Variants in NCKAP5 observed in about 807,000 individuals in gnomAD.
The protein encoded by NCKAP5 is nck-associated protein 5.
Under a neutral mutation model 167.0 loss-of-function variants are expected in NCKAP5, and 92 were observed. The ratio of observed to expected loss-of-function variants is 0.55; its 90% CI spans 0.47 to 0.66. The LOEUF is 0.66. Ranked by LOEUF, NCKAP5 falls within the 30% of genes least tolerant of loss-of-function variation. The pLI is 0.00. For synonymous variants in NCKAP5, 891 were observed against 877.4 expected, an observed-to-expected ratio of 1.02 and a Z score of -0.27; for missense variants, 2,378 against 2,315.0, an observed-to-expected ratio of 1.03 and a Z score of -0.56.
Position 133,526,211 on chromosome 2 carries a change from G to A in NCKAP5, c.-61-8624C>T, listed in dbSNP as rs547906467. On this transcript the variant is annotated intron_variant, in intron 2 of 19. Coordinates refer to ENST00000409261, the MANE Select transcript of NCKAP5 (RefSeq NM_207363.3). ...AGGAAGGAAGGAAGGAAGGAAGGAA[G>A]GAAGGAAGGAAGGAAGAAAGGAAAG... Among the ~76,000 whole-genome samples the A allele has an allele frequency of 1.4e-3, 187 of 136,116 alleles. 3 individuals are homozygous for A. The highest frequency in any genetic ancestry group is 3.4e-3 in the South Asian group (14 of 4,178). The allele number at this position is 136,116 out of a possible 152,430, so 89.3% of individuals were successfully genotyped here.
intron 6 of NCKAP5, among the ~76,000 whole-genome samples, chr2:133,059,876 C>T (rs1364091289): frequency 6.6e-6 from 1 of 151,788 alleles, no homozygotes; most frequent in Non-Finnish European, 1.5e-5. Context: ...GCAATATCTC[C>T]AAGGTATGTC....
intron 11 of NCKAP5, among the ~76,000 whole-genome samples, chr2:132,805,438 AAAT>A (rs1444348339): frequency 6.6e-6 from 1 of 152,222 alleles, no homozygotes; most frequent in Non-Finnish European, 1.5e-5. Context: ...TAGAATTAAA[AAAT>A]AATTACCTCT....
chr2:133,355,673 C>T (rs1390429435), intron 3 of NCKAP5, among the ~76,000 whole-genome samples: 3 of 151,970 alleles, frequency 2.0e-5, no homozygotes, highest in African/African-American at 7.3e-5. Flanking sequence ...ACCCACATAC[C>T]TGGGAAAAAT....
At chr2:133,518,372 T>TG (rs1553433211) in intron 2 of NCKAP5, among the ~76,000 whole-genome samples, 14 of 129,214 alleles carry the variant, frequency 1.1e-4, no homozygotes, top group African/African-American at 3.0e-4. Flanking sequence ...TTTTTTTTTT[T>TG]GGGATGGAAT....
intron 16 of NCKAP5, among the ~76,000 whole-genome samples, chr2:132,737,048 CCAT>C (rs1205443830): frequency 6.6e-6 from 1 of 152,170 alleles, no homozygotes; most frequent in Non-Finnish European, 1.5e-5. Context: ...GTTACCACCA[CCAT>C]CAAGACCCAG....
At position 133,197,602 on chromosome 2, in the gene NCKAP5, T is replaced by TA. The variant is rs897848483; in HGVS notation, c.207+16113dup. ...CCCCAAGATGACACAGATGTTGGTT[T>TA]AAAAAAAAAACAAAAACAGGGCTTT... On this transcript the variant is annotated intron_variant, in intron 5 of 19. Coordinates refer to ENST00000409261, the MANE Select transcript of NCKAP5 (RefSeq NM_207363.3). 4.3e-3 allele frequency among the ~76,000 whole-genome samples: 642 copies of TA among 148,434 alleles called. 1 individual carries two copies. Among genetic ancestry groups the TA allele is most frequent in the African/African-American group, 0.014 (584 of 40,818 alleles).
chr2:133,620,179 G>A, the NCKAP5 span, among the ~76,000 whole-genome samples: 1 of 150,376 alleles, frequency 6.6e-6, no homozygotes. Flanking sequence ...ATAACACAAT[G>A]AAAAAAAAAG....
chr2:133,405,131 C>T lies in NCKAP5; in HGVS notation c.70-102021G>A, dbSNP rs148537677. On this transcript the variant is annotated intron_variant, in intron 3 of 19. Transcript: ENST00000409261. ...TGAATTAGCAAATCCTGAACCATTG[C>T]TCCTTGGAAAAATACTGAGTTACGT... Among the ~76,000 whole-genome samples the T allele has an allele frequency of 2.2e-3, 338 of 152,308 alleles. 3 individuals are homozygous for T. The highest frequency in any genetic ancestry group is 5.0e-3 in the Admixed American group (77 of 15,296).
intron 19 of NCKAP5, among the ~76,000 whole-genome samples, chr2:132,679,937 A>G (rs1410056241): frequency 6.6e-6 from 1 of 152,142 alleles, no homozygotes; most frequent in Non-Finnish European, 1.5e-5. Context: ...AAGGGAAAAG[A>G]TGCAACTCAA....
At chr2:133,277,581 A>G (rs12464930) in intron 4 of NCKAP5, among the ~76,000 whole-genome samples, 19,570 of 152,212 alleles carry the variant, frequency 0.13, 1,280 homozygotes, top group East Asian at 0.16. Context: ...TGTCCGTTCT[A>G]AGTTACTTTA....
At chr2:133,038,322 G>A (rs1033225559) in intron 6 of NCKAP5, among the ~76,000 whole-genome samples, 15 of 152,106 alleles carry the variant, frequency 9.9e-5, no homozygotes, top group Non-Finnish European at 2.1e-4. Flanking sequence ...TTGCAACAAC[G>A]TGTATGGAAC....
intron 3 of NCKAP5, among the ~76,000 whole-genome samples, chr2:133,488,176 T>A (rs914030970): frequency 2.0e-5 from 3 of 152,248 alleles, no homozygotes; most frequent in African/African-American, 7.2e-5. Context: ...TTATCTATTA[T>A]TATTGTTAAT....
At chr2:133,190,313 T>C (rs945431756) in intron 5 of NCKAP5, among the ~76,000 whole-genome samples, 1 of 152,180 alleles carries the variant, frequency 6.6e-6, no homozygotes. Flanking sequence ...TGTTCATGGA[T>C]AGGAAGAATC....
At chr2:133,601,011 G>A in the NCKAP5 span, among the ~76,000 whole-genome samples, 458 of 152,284 alleles carry the variant, frequency 3.0e-3, 2 homozygotes, top group African/African-American at 0.01. Context: ...GTTTTCTCAC[G>A]TAAGTTCCTA....
intron 2 of NCKAP5, among the ~76,000 whole-genome samples, chr2:133,530,321 T>A (rs901667332): frequency 6.6e-6 from 1 of 152,152 alleles, no homozygotes; most frequent in African/African-American, 2.4e-5. Context: ...GCTTTAATTA[T>A]GAGCTTTTAG....
intron 8 of NCKAP5, among the ~76,000 whole-genome samples, chr2:132,879,320 T>G (rs1297980322): frequency 2.0e-5 from 3 of 152,228 alleles, no homozygotes; most frequent in Non-Finnish European, 4.4e-5. Context: ...GAAAAGAATC[T>G]CACATAAAGT....
At chr2:133,083,513 T>C (rs985819625) in intron 6 of NCKAP5, among the ~76,000 whole-genome samples, 1 of 152,180 alleles carries the variant, frequency 6.6e-6, no homozygotes, top group African/African-American at 2.4e-5. Context: ...AGGGTCCTTG[T>C]ACTTATGCCC....
At chr2:132,831,577 T>C (rs1687525515) in intron 11 of NCKAP5, among the ~76,000 whole-genome samples, 1 of 152,126 alleles carries the variant, frequency 6.6e-6, no homozygotes. Flanking sequence ...CATTTTTCTT[T>C]TGGTTTGTTT....
At chr2:132,771,114 G>A (rs1212695981) in intron 16 of NCKAP5, among the ~76,000 whole-genome samples, 1 of 152,094 alleles carries the variant, frequency 6.6e-6, no homozygotes, top group Admixed American at 6.5e-5. Flanking sequence ...ACAGCCTCAG[G>A]GAAATTCTTC....
Sources: gnomAD v4.1 joint callset for allele counts (sites outside exome capture counted in the v4.1 genomes callset) on GRCh38, gnomAD v4.1.1 for gene constraint, MANE v1.5 for transcripts, NCBI Gene and HGNC (gene_info 2026-07-23, HGNC 2026-07-21) for gene names.